Variants in TRPM1 observed in about 807,000 individuals in gnomAD.
TRPM1 encodes the protein TRPM1-203 APA Isoform, Intron 10.
In TRPM1, 113 loss-of-function variants were observed where a neutral mutation model predicts 149.4. The observed-to-expected ratio is 0.76, with a 90% confidence interval of 0.65 to 0.88. TRPM1 has a LOEUF of 0.88. Ranked by LOEUF, TRPM1 falls within the 40% of genes least tolerant of loss-of-function variation. The probability of loss-of-function intolerance (pLI) is 0.00; values close to 1 mark genes in which losing one functional copy is unlikely to be tolerated. For missense variants in TRPM1, 1,976 were observed against 2,038.7 expected (o/e 0.97, Z 0.59); for synonymous variants, 741 against 759.5 (o/e 0.98, Z 0.40).
In TRPM1 at chr15:31,160,961, T is replaced by C. The variant is rs546406743; in HGVS notation, c.-2A>G. Reference sequence around the variant, plus strand: ...CGAGCCCCGCTTGAAGGAGCTCATCTCTCTCAGTGAGCCTGTGAGCCACCC... The same window carrying C: ...CGAGCCCCGCTTGAAGGAGCTCATCCCTCTCAGTGAGCCTGTGAGCCACCC... On this transcript the variant is annotated 5_prime_UTR_variant, in exon 1 of 27. Coordinates refer to the TRPM1 transcript ENST00000542188. 9.8e-4 allele frequency: 1,511 copies of C among 1,535,444 alleles called. No homozygotes were observed. Among genetic ancestry groups the C allele is most frequent in the Non-Finnish European group, 1.3e-3 (1,441 of 1,146,706 alleles).
In TRPM1 at chr15:31,029,955, C is replaced by T. The variant is rs1490998687; in HGVS notation, c.3128-564G>A. Among the ~76,000 whole-genome samples, 4 of 152,158 alleles carry T rather than the reference C, an allele frequency of 2.6e-5. No homozygotes were observed. In the East Asian group the frequency reaches 5.8e-4, roughly 22 times the overall value. Reference sequence around the variant, plus strand: ...ATGCCTGGAATTCAGGAACTTTTAACGTGTATGTATATCTACCTAAACTAA... The same window carrying T: ...ATGCCTGGAATTCAGGAACTTTTAATGTGTATGTATATCTACCTAAACTAA... On this transcript the variant is annotated intron_variant, in intron 23 of 27. Coordinates refer to ENST00000256552, the MANE Select transcript of TRPM1 (RefSeq NM_001252024.2).
rs964164888 is a variant in TRPM1, at chr15:31,047,395, C to A, written c.1624-144G>T. On this transcript the variant is annotated intron_variant, in intron 14 of 27. Transcript: ENST00000256552. ...GGTGGGTGGGGGATTAAACAATATT[C>A]AGGCTGGGGAAAGCATCTATCCCTT... 7.9e-6 allele frequency: 7 copies of A among 888,594 alleles called. No homozygotes were observed. In the African/African-American group the frequency reaches 1.2e-4, roughly 15 times the overall value. 55.0% of individuals were successfully genotyped at this position (888,594 alleles called of 1,614,324 possible).
intron 1 of TRPM1, among the ~76,000 whole-genome samples, chr15:31,152,043 A>G (rs1019372408): frequency 1.4e-4 from 22 of 152,076 alleles, no homozygotes; most frequent in African/African-American, 5.3e-4. Flanking sequence ...TGTTGTCCCT[A>G]GGAAGACCTG....
intron 1 of TRPM1, among the ~76,000 whole-genome samples, chr15:31,088,805 G>A (rs2035102100): frequency 6.6e-6 from 1 of 151,934 alleles, no homozygotes; most frequent in Non-Finnish European, 1.5e-5. Flanking sequence ...TTTCTGCTGG[G>A]GGGATGCGTC....
At chr15:31,061,711 T>G (rs1401046569) in intron 9 of TRPM1, among the ~76,000 whole-genome samples, 197 bp from the exon 10 acceptor site, 1 of 151,100 alleles carries the variant, frequency 6.6e-6, no homozygotes, top group Non-Finnish European at 1.5e-5. Context: ...TGAGATGGAG[T>G]TTCGCTCTTG....
chr15:31,032,010 T>G (rs1043978190), intron 22 of TRPM1, among the ~76,000 whole-genome samples: 6 of 87,598 alleles, frequency 6.8e-5, no homozygotes, highest in South Asian at 6.5e-4. Flanking sequence ...GGCGGGGTTT[T>G]TTTTTTTTTT....
At chr15:31,068,311 T>C (rs561268242) in intron 4 of TRPM1, among the ~76,000 whole-genome samples, 9 of 152,304 alleles carry the variant, frequency 5.9e-5, no homozygotes, top group Non-Finnish European at 1.2e-4. Flanking sequence ...CCTGGTACCA[T>C]GGTCTGAATG....
chr15:31,089,733 G>C (rs57961794), intron 1 of TRPM1, among the ~76,000 whole-genome samples: 6,166 of 152,294 alleles, frequency 0.04, 416 homozygotes, highest in African/African-American at 0.14. Flanking sequence ...AAGGCCTGGA[G>C]CTTGCTTTAG....
At chr15:31,041,814 A>G in intron 17 of TRPM1, 137 bp downstream of exon 17, 1 of 977,580 alleles carries the variant, frequency 1.0e-6, no homozygotes, top group Non-Finnish European at 1.6e-6. Flanking sequence ...TGCTGACATG[A>G]CAGACGAAGT....
At chr15:31,050,840 T>G (rs768866721) in intron 11 of TRPM1, among the ~76,000 whole-genome samples, 1 of 152,182 alleles carries the variant, frequency 6.6e-6, no homozygotes, top group Non-Finnish European at 1.5e-5. Context: ...TGGGAACCAC[T>G]GTTACTCGTG....
rs1046412056 is a variant in TRPM1 at position 31,113,673 on chromosome 15, A to C, written c.55-36689T>G. Reference sequence around the variant, plus strand: ...ACTAGTTTTTTGCCCTCCATCACCCACGTTTTAAGACTACTGTGCCCATAG... The same window carrying C: ...ACTAGTTTTTTGCCCTCCATCACCCCCGTTTTAAGACTACTGTGCCCATAG... On this transcript the variant is annotated intron_variant, in intron 1 of 26. Transcript: ENST00000542188. Among the ~76,000 whole-genome samples, 149 of 151,900 alleles carry C rather than the reference A, an allele frequency of 9.8e-4. 1 individual carries two copies. The highest frequency in any genetic ancestry group is 3.5e-3 in the African/African-American group (145 of 41,278).
chr15:31,043,480 C>T (rs966195333), intron 16 of TRPM1, among the ~76,000 whole-genome samples: 1 of 152,208 alleles, frequency 6.6e-6, no homozygotes, highest in Non-Finnish European at 1.5e-5. Context: ...CCATGAGCCA[C>T]CACGCCCGGC....
chr15:31,113,817 T>C (rs562146696), intron 1 of TRPM1, among the ~76,000 whole-genome samples: 3 of 152,174 alleles, frequency 2.0e-5, no homozygotes, highest in South Asian at 2.1e-4. Flanking sequence ...AACAGCAAGA[T>C]TTATTGTGAA....
At chr15:31,079,944 C>A (rs1457206181) in intron 2 of TRPM1, among the ~76,000 whole-genome samples, 1 of 152,088 alleles carries the variant, frequency 6.6e-6, no homozygotes, top group Non-Finnish European at 1.5e-5. Flanking sequence ...TGGGAACATG[C>A]CAAAAGAACA....
chr15:31,160,633 G>C (rs546332140), intron 1 of TRPM1, among the ~76,000 whole-genome samples: 1 of 152,356 alleles, frequency 6.6e-6, no homozygotes, highest in South Asian at 2.1e-4. Flanking sequence ...AAGGATTTGT[G>C]CCACTCAGAC....
chr15:31,135,478 A>G (rs2036076222), intron 1 of TRPM1, among the ~76,000 whole-genome samples: 1 of 152,242 alleles, frequency 6.6e-6, no homozygotes, highest in South Asian at 2.1e-4. Flanking sequence ...ACCCAAGTAC[A>G]TGCATATGGA....
chr15:31,151,962 C>T (rs756740454), intron 1 of TRPM1, among the ~76,000 whole-genome samples: 30 of 152,222 alleles, frequency 2.0e-4, no homozygotes, highest in Admixed American at 3.3e-4. Flanking sequence ...TCCAAGAGAA[C>T]GAGGTACTGG....
At chr15:31,054,638 GC>G (rs1271604653) in intron 11 of TRPM1, among the ~76,000 whole-genome samples, 1 of 151,834 alleles carries the variant, frequency 6.6e-6, no homozygotes, top group Non-Finnish European at 1.5e-5. Context: ...AATTTTTTTT[GC>G]AAAGCTTTTA....
intron 1 of TRPM1, among the ~76,000 whole-genome samples, chr15:31,107,100 A>G (rs899461131): frequency 1.3e-4 from 20 of 152,154 alleles, no homozygotes; most frequent in African/African-American, 4.8e-4. Context: ...CCCGCCACTT[A>G]TATTTTCTGT....
Sources: gnomAD v4.1 joint callset for allele counts (sites outside exome capture counted in the v4.1 genomes callset) on GRCh38, gnomAD v4.1.1 for gene constraint, MANE v1.5 for transcripts, NCBI Gene and HGNC (gene_info 2026-07-23, HGNC 2026-07-21) for gene names.